Variants in MFN2 observed in about 807,000 individuals in gnomAD.
MFN2 encodes the protein mitofusin 2, also known as mitofusin-2.
Under a neutral mutation model 87.5 loss-of-function variants are expected in MFN2, and 43 were observed. The ratio of observed to expected loss-of-function variants is 0.49; its 90% CI spans 0.38 to 0.63. The LOEUF (loss-of-function observed/expected upper bound fraction) is 0.63, where lower values mean the gene tolerates loss of function less well. MFN2 is among the 30% of genes least tolerant of loss of function. The probability of loss-of-function intolerance (pLI) is 0.00; values close to 1 mark genes in which losing one functional copy is unlikely to be tolerated. For synonymous variants in MFN2, 337 were observed against 359.9 expected (o/e 0.94, Z 0.72); for missense variants, 743 against 972.8 (o/e 0.76, Z 3.14).
At chr1:12,001,731 CA>C (rs1280735733) in intron 9 of MFN2, 37 bp from the exon 10 acceptor site, 1 of 1,612,018 alleles carries the variant, frequency 6.2e-7, no homozygotes, top group Admixed American at 1.7e-5. Context: ...CCTCTGCTGC[CA>C]AGTTGTTTCT....
intron 17 of MFN2, among the ~76,000 whole-genome samples, 163 bp downstream of exon 17, chr1:12,007,412 G>T (rs906048570): frequency 6.6e-6 from 1 of 152,236 alleles, no homozygotes; most frequent in Non-Finnish European, 1.5e-5. Context: ...GGCCAGTCAT[G>T]GGGAGAGGGG....
Position 11,980,698 on chromosome 1 carries a change from C to T in MFN2, c.-150+214C>T, listed in dbSNP as rs568566023. ...ACCTGGGACTGGTCGGTGGGGTCCC[C>T]TGTAGCTTCTCATCGCCCCCGCCTT... On this transcript the variant is annotated intron_variant, in intron 1 of 18. Transcript: ENST00000235329. Among the ~76,000 whole-genome samples, 7 of 152,352 alleles carry T rather than the reference C, an allele frequency of 4.6e-5. No individual in the cohort carries two copies. In the East Asian group the frequency reaches 1.2e-3, roughly 25 times the overall value.
At position 12,004,845 on chromosome 1, in the gene MFN2, G is replaced by A. The variant is rs745360979; in HGVS notation, c.1413G>A (p.Glu471=). 21 of 1,613,912 alleles carry A rather than the reference G, an allele frequency of 1.3e-5. No individual in the cohort carries two copies. The highest frequency in any genetic ancestry group is 8.9e-5 in the East Asian group (4 of 44,894). ...VYKNELHRHI[E]EGLGRNMSDR... Reference sequence around the variant, plus strand: ...GGCAGGAGCTGCACCGCCACATAGAGGAAGGACTGGGTCGAAACATGTCTG... The same window carrying A: ...GGCAGGAGCTGCACCGCCACATAGAAGAAGGACTGGGTCGAAACATGTCTG... The change falls in exon 14 of 19, where the codon GAG becomes GAA. Residue 471 remains glutamate (E), a synonymous_variant. Coordinates refer to ENST00000235329, the MANE Select transcript of MFN2 (RefSeq NM_014874.4). The surrounding 1 kb of genome is among the most constrained non-coding windows in gnomAD (Gnocchi z 4.2).
In MFN2 at chr1:12,005,740, G is replaced by C. The variant is rs945014959; in HGVS notation, c.1525G>C (p.Val509Leu). 1.9e-6 allele frequency: 3 copies of C among 1,614,074 alleles called. No homozygotes were observed. The highest frequency in any genetic ancestry group is 2.5e-6 in the Non-Finnish European group (3 of 1,180,048). ...CTTGAAACCCCTCCTTCCTGTGTCT[G>C]TGCGGAGTCAGATAGACATGCTGGT... ...DGLKPLLPVS[V>L]RSQIDMLVPR... Residue 509 changes from valine (V) to leucine (L), a missense_variant, in exon 15 of 19, where the codon GTG (valine) becomes CTG (leucine). Coordinates refer to ENST00000235329, the MANE Select transcript of MFN2 (RefSeq NM_014874.4).
At chr1:11,990,786 G>A (rs539257292) in intron 3 of MFN2, among the ~76,000 whole-genome samples, 3 of 152,070 alleles carry the variant, frequency 2.0e-5, no homozygotes, top group African/African-American at 4.8e-5. Flanking sequence ...AGCTTCCTCC[G>A]AGGGACATTC....
At chr1:11,982,820 T>C (rs766345899) in intron 2 of MFN2, among the ~76,000 whole-genome samples, 2 of 152,200 alleles carry the variant, frequency 1.3e-5, no homozygotes, top group Non-Finnish European at 2.9e-5. Context: ...CTGGCACTTT[T>C]TAGGGGTAGG....
intron 17 of MFN2, among the ~76,000 whole-genome samples, chr1:12,009,073 G>A (rs79752140): frequency 0.047 from 7,145 of 152,282 alleles, 234 homozygotes; most frequent in East Asian, 0.13. Flanking sequence ...GGCGGCGCGC[G>A]CCTGCAGTCG....
chr1:12,009,579 C>G lies in MFN2; in HGVS notation c.2070-13C>G. On this transcript the variant is annotated splice_polypyrimidine_tract_variant and intron_variant, in intron 17 of 18. Transcript: ENST00000235329. ...CACACACCCCAACTGGGTCCCTTCT[C>G]TCTCCTCCCCAGGGAACTGTCTGGG... 6.2e-7 allele frequency: 1 copy of G among 1,614,226 alleles called. No individual in the cohort carries two copies. The highest frequency in any genetic ancestry group is 8.5e-7 in the Non-Finnish European group (1 of 1,180,040).
chr1:12,006,804 G>T (rs1220158422), intron 16 of MFN2, 111 bp downstream of exon 16: 15 of 1,474,726 alleles, frequency 1.0e-5, no homozygotes, highest in Non-Finnish European at 1.3e-5. Flanking sequence ...ACAGTCCACT[G>T]CATACTTTCT....
At chr1:12,009,332 A>G (rs1196619180) in intron 17 of MFN2, among the ~76,000 whole-genome samples, 2 of 152,246 alleles carry the variant, frequency 1.3e-5, no homozygotes, top group African/African-American at 4.8e-5. Context: ...CAGCAGAGTC[A>G]GGATCTCTTG....
rs150043585 is a variant in MFN2, at chr1:12,004,884, G to C, written c.1452G>C (p.Thr484=). Residue 484 remains threonine (T), a synonymous_variant, in exon 14 of 19, where the codon ACG becomes ACC. Transcript: ENST00000235329. This position sits in a 1 kb window ranked among gnomAD's most constrained non-coding sequence, Gnocchi z 4.2. ...GAAACATGTCTGACCGCTGCTCCACGGCCATCACCAACTCCCTGCAGACCA... is the reference window on the plus strand; with the variant it reads ...GAAACATGTCTGACCGCTGCTCCACCGCCATCACCAACTCCCTGCAGACCA... The part of the protein sequence containing the change: ...LGRNMSDRCS[T]AITNSLQTMQ... 6.2e-7 allele frequency: 1 copy of C among 1,613,478 alleles called. No individual in the cohort carries two copies. The highest frequency in any genetic ancestry group is 8.5e-7 in the Non-Finnish European group (1 of 1,179,754).
intron 2 of MFN2, among the ~76,000 whole-genome samples, chr1:11,988,713 T>C (rs1400389617): frequency 6.6e-6 from 1 of 152,092 alleles, no homozygotes; most frequent in Admixed American, 6.5e-5. Flanking sequence ...TTTTGTTTTA[T>C]TTTTTGAGAC....
At position 12,012,958 on chromosome 1, in the gene MFN2, G is replaced by C. The variant is rs1639751108; in HGVS notation, c.*1393G>C. 6.3e-6 allele frequency: 1 copy of C among 157,914 alleles called. No individual in the cohort carries two copies. Among genetic ancestry groups the C allele is most frequent in the Non-Finnish European group, 1.4e-5 (1 of 71,548 alleles). 9.8% of individuals were successfully genotyped at this position (157,914 alleles called of 1,614,324 possible). A position where few individuals can be genotyped will look rare whatever the true frequency, so the allele number is the denominator to read the frequency against. On this transcript the variant is annotated 3_prime_UTR_variant, in exon 19 of 19. Coordinates refer to ENST00000235329, the MANE Select transcript of MFN2 (RefSeq NM_014874.4). ...TCATCTTTGAGGAAATGAGTTGGTAGCCTCTGTGCACTGTTTGGTGGCCAC... is the reference window on the plus strand; with the variant it reads ...TCATCTTTGAGGAAATGAGTTGGTACCCTCTGTGCACTGTTTGGTGGCCAC...
intron 17 of MFN2, among the ~76,000 whole-genome samples, chr1:12,008,243 C>T (rs1381993141): frequency 6.6e-6 from 1 of 152,246 alleles, no homozygotes; most frequent in African/African-American, 2.4e-5. Flanking sequence ...CACCATGGCC[C>T]GTTCTCAATG....
intron 2 of MFN2, among the ~76,000 whole-genome samples, chr1:11,983,985 C>T (rs1045692074): frequency 2.0e-5 from 3 of 152,116 alleles, no homozygotes; most frequent in Non-Finnish European, 2.9e-5. Context: ...GGTTTTACGC[C>T]AGGGGTTTGG....
In MFN2 at chr1:12,004,782, T is replaced by C; in HGVS notation, c.1393-43T>C. ...CTGGTGGATGTGGCCTGAAGGGAAT[T>C]TTGATGGACATGCTTCTCTTAACTT... On this transcript the variant is annotated intron_variant, in intron 13 of 18. Transcript: ENST00000235329. The surrounding 1 kb of genome is among the most constrained non-coding windows in gnomAD (Gnocchi z 4.2). 1 of 1,595,274 alleles carries C rather than the reference T, an allele frequency of 6.3e-7. No individual in the cohort carries two copies. The highest frequency in any genetic ancestry group is 8.6e-7 in the Non-Finnish European group (1 of 1,164,254).
rs1639253034 is a variant in MFN2 at position 12,003,203 on chromosome 1, G to T, written c.1161-789G>T. 6.6e-6 allele frequency among the ~76,000 whole-genome samples: 1 copy of T among 152,000 alleles called. No homozygotes were observed. The highest frequency in any genetic ancestry group is 2.1e-4 in the South Asian group (1 of 4,834). On this transcript the variant is annotated intron_variant, in intron 11 of 18. Transcript: ENST00000235329. This position sits in a 1 kb window ranked among gnomAD's most constrained non-coding sequence, Gnocchi z 4.1. ...AGGGGTGTGGCAATTCTGTTTTAGG[G>T]TACACGCGTTTCCAGTTTTAGTCAG...
At position 12,003,356 on chromosome 1, in the gene MFN2, A is replaced by T. The variant is rs556384481; in HGVS notation, c.1161-636A>T. On this transcript the variant is annotated intron_variant, in intron 11 of 18. Transcript: ENST00000235329. The surrounding 1 kb of genome is among the most constrained non-coding windows in gnomAD (Gnocchi z 4.1). ...TCATTTTTGCCAGGCCTTGGTAGAA[A>T]ATAGTGCCTTTAAAAATTTCATTTA... 6.6e-6 allele frequency among the ~76,000 whole-genome samples: 1 copy of T among 152,336 alleles called. No homozygotes were observed. The highest frequency in any genetic ancestry group is 1.9e-4 in the East Asian group (1 of 5,186).
chr1:12,000,441 C>G (rs965032547), intron 8 of MFN2, among the ~76,000 whole-genome samples: 7 of 152,158 alleles, frequency 4.6e-5, no homozygotes, highest in Admixed American at 1.3e-4. Flanking sequence ...CCGCCCGCCT[C>G]GGCCTCCCAA....
Sources: gnomAD v4.1 joint callset for allele counts (sites outside exome capture counted in the v4.1 genomes callset) on GRCh38, gnomAD v4.1.1 for gene constraint, Gnocchi (gnomAD v3.1) non-coding constraint, MANE v1.5 for transcripts, NCBI Gene and HGNC (gene_info 2026-07-23, HGNC 2026-07-21) for gene names.